The following CSMD1 variants were observed in gnomAD, a reference collection of about 807,000 sequenced individuals.
CSMD1 encodes CUB and sushi domain-containing protein 1.
Under a neutral mutation model 417.5 loss-of-function variants are expected in CSMD1, and 213 were observed. The observed-to-expected ratio is 0.51, with a 90% CI of 0.46 to 0.57. CSMD1 has a LOEUF of 0.57. CSMD1 is among the 20% of genes least tolerant of loss of function. The pLI, the probability that CSMD1 is intolerant of heterozygous loss-of-function variation, is 0.00. For synonymous variants in CSMD1, 2,862 were observed against 1,736.8 expected (o/e 1.65, Z -16.11); for missense variants, 6,923 against 4,529.7 (o/e 1.53, Z -15.17).
At chr8:4,560,569 C>T (rs1933137541) in intron 2 of CSMD1, among the ~76,000 whole-genome samples, 1 of 152,210 alleles carries the variant, frequency 6.6e-6, no homozygotes, top group Admixed American at 6.5e-5. Context: ...TGAGCTAAAA[C>T]ACTGTGCTGG....
intron 35 of CSMD1, among the ~76,000 whole-genome samples, chr8:3,188,641 GT>G (rs892669440): frequency 6.6e-6 from 1 of 151,684 alleles, no homozygotes; most frequent in East Asian, 1.9e-4. Context: ...ACTTTTGATA[GT>G]TTTTATTTTA....
intron 5 of CSMD1, among the ~76,000 whole-genome samples, chr8:3,934,243 T>G (rs1442979648): frequency 1.3e-5 from 2 of 152,190 alleles, no homozygotes. Context: ...CTGATGAACT[T>G]GCTCAGAATA....
chr8:4,934,270 A>T (rs934977328), intron 1 of CSMD1, among the ~76,000 whole-genome samples: 1 of 152,170 alleles, frequency 6.6e-6, no homozygotes, highest in South Asian at 2.1e-4. Context: ...TTCCCCACAG[A>T]ATGCTTTGGG....
intron 6 of CSMD1, among the ~76,000 whole-genome samples, chr8:3,716,606 T>C (rs911441356): frequency 6.6e-6 from 1 of 152,126 alleles, no homozygotes; most frequent in Non-Finnish European, 1.5e-5. Flanking sequence ...GCAACCTATT[T>C]CATCAGGAAG....
chr8:4,423,221 C>A (rs1451877075), intron 2 of CSMD1, among the ~76,000 whole-genome samples: 1 of 151,824 alleles, frequency 6.6e-6, no homozygotes, highest in Non-Finnish European at 1.5e-5. Flanking sequence ...TACAATAATA[C>A]AAGAAAAGAA....
intron 3 of CSMD1, among the ~76,000 whole-genome samples, chr8:4,288,498 G>A (rs561797303): frequency 6.6e-6 from 1 of 152,166 alleles, no homozygotes; most frequent in Admixed American, 6.5e-5. Flanking sequence ...ATCCCACTCT[G>A]CCTTTAGGTT....
At chr8:3,862,779 G>C (rs1163482511) in intron 5 of CSMD1, among the ~76,000 whole-genome samples, 1 of 152,202 alleles carries the variant, frequency 6.6e-6, no homozygotes, top group Non-Finnish European at 1.5e-5. Flanking sequence ...ATTACACACA[G>C]AGAAGTTAAC....
At chr8:3,777,694 C>A (rs1204412954) in intron 5 of CSMD1, among the ~76,000 whole-genome samples, 2 of 152,240 alleles carry the variant, frequency 1.3e-5, no homozygotes, top group African/African-American at 4.8e-5. Flanking sequence ...CCACGCCAGA[C>A]CTGCGGCCTC....
chr8:3,133,590 C>T (rs1585432412), intron 41 of CSMD1, among the ~76,000 whole-genome samples: 1 of 152,156 alleles, frequency 6.6e-6, no homozygotes, highest in Admixed American at 6.5e-5. Context: ...GAGGAGAAAC[C>T]TATGGCTGGG....
intron 5 of CSMD1, among the ~76,000 whole-genome samples, chr8:3,764,739 C>CTTTTTT (rs66603480): frequency 2.5e-4 from 32 of 129,770 alleles, no homozygotes; most frequent in East Asian, 6.8e-4. Flanking sequence ...TTTTCTCTTT[C>CTTTTTT]TTTTTTTTTT....
At chr8:4,421,085 CA>C (rs1797226825) in intron 2 of CSMD1, among the ~76,000 whole-genome samples, 1 of 152,124 alleles carries the variant, frequency 6.6e-6, no homozygotes, top group African/African-American at 2.4e-5. Context: ...GATGCCAATC[CA>C]AACAACTTTC....
rs11358404 is a variant in CSMD1, at chr8:3,416,302, C to CAAAAAA, written c.1562-6703_1562-6698dup. 1.0e-4 allele frequency among the ~76,000 whole-genome samples: 6 copies of CAAAAAA among 58,892 alleles called. 2 individuals carry two copies. Among genetic ancestry groups the CAAAAAA allele is most frequent in the East Asian group, 1.1e-3 (2 of 1,884 alleles). 38.6% of individuals were successfully genotyped at this position (58,892 alleles called of 152,430 possible). A position where few individuals can be genotyped will look rare whatever the true frequency, so the allele number is the denominator to read the frequency against. On this transcript the variant is annotated intron_variant, in intron 12 of 69. Coordinates refer to ENST00000635120, the MANE Select transcript of CSMD1 (RefSeq NM_033225.6). ...TGAGCCACAGAGCCAGACTCCGTCT[C>CAAAAAA]AAAAAAAAAAAAAAAAAAAAAAAAG...
intron 3 of CSMD1, among the ~76,000 whole-genome samples, chr8:4,191,168 A>C: frequency 6.6e-6 from 1 of 152,288 alleles, no homozygotes; most frequent in East Asian, 1.9e-4. Flanking sequence ...AGGCCGAGGC[A>C]GGTGGATCAC....
intron 1 of CSMD1, among the ~76,000 whole-genome samples, chr8:4,892,217 T>C (rs1244436501): frequency 1.3e-5 from 2 of 152,104 alleles, no homozygotes; most frequent in African/African-American, 4.8e-5. Context: ...GGCCTTAAAA[T>C]ACATTGCCAA....
intron 1 of CSMD1, among the ~76,000 whole-genome samples, chr8:4,856,408 C>T (rs1316769235): frequency 2.1e-5 from 3 of 142,936 alleles, no homozygotes. Flanking sequence ...CAAATTCACA[C>T]ATAACAATAT....
intron 3 of CSMD1, among the ~76,000 whole-genome samples, chr8:4,149,981 C>A (rs4875290): frequency 0.32 from 48,803 of 152,152 alleles, 9,241 homozygotes; most frequent in Non-Finnish European, 0.41. Flanking sequence ...AGCACTGTCA[C>A]AGAGAAGTCA....
At chr8:4,336,602 A>G (rs976187346) in intron 3 of CSMD1, among the ~76,000 whole-genome samples, 2 of 152,182 alleles carry the variant, frequency 1.3e-5, no homozygotes, top group Admixed American at 1.3e-4. Flanking sequence ...TTACACACAC[A>G]AAGTGCATTT....
At chr8:4,378,006 A>G (rs1802864579) in intron 3 of CSMD1, among the ~76,000 whole-genome samples, 1 of 152,210 alleles carries the variant, frequency 6.6e-6, no homozygotes, top group African/African-American at 2.4e-5. Flanking sequence ...ATATATTTGT[A>G]ATTCCTTTAT....
In CSMD1 at chr8:3,348,016, C is replaced by G. The variant is rs771975366; in HGVS notation, c.3450G>C (p.Gln1150His). ...CCTTTAGAGTATCTCCTTCAAACAG[C>G]TGGAAGCTTCGTGTTCTAAGGTGGA... The part of the protein sequence containing the change: ...KGIHLRTRSF[Q>H]LFEGDTLKVY... Residue 1150 changes from glutamine to histidine, a missense_variant, in exon 22 of 70, where the codon CAG (glutamine) becomes CAC (histidine). By Grantham distance (24) the Gln-to-His change is conservative. Transcript: ENST00000635120. 4 of 1,604,332 alleles carry G rather than the reference C, an allele frequency of 2.5e-6. No individual in the cohort carries two copies. The highest frequency in any genetic ancestry group is 1.3e-5 in the African/African-American group (1 of 74,710).
Sources: allele counts gnomAD v4.1 joint callset (sites outside exome capture counted in the v4.1 genomes callset), GRCh38; gene constraint gnomAD v4.1.1; transcripts MANE v1.5; gene names NCBI Gene and HGNC (gene_info 2026-07-23, HGNC 2026-07-21).